The following KCND3 variants were observed in gnomAD, a reference collection of about 807,000 sequenced individuals.
KCND3 encodes A-type voltage-gated potassium channel KCND3.
KCND3 carries 9 observed loss-of-function variants against 51.1 expected under a neutral mutation model. The observed-to-expected ratio is 0.18, with a 90% confidence interval of 0.11 to 0.31. The LOEUF (loss-of-function observed/expected upper bound fraction) is 0.31, where lower values mean the gene tolerates loss of function less well. Ranked by LOEUF, KCND3 falls within the 10% of genes least tolerant of loss-of-function variation. KCND3 has a pLI of 1.00. For missense variants in KCND3, 526 were observed against 903.8 expected (o/e 0.58, Z 5.36); for synonymous variants, 349 against 368.0 (o/e 0.95, Z 0.59).
chr1:111,786,476 C>T (rs1310461766), intron 3 of KCND3, among the ~76,000 whole-genome samples: 3 of 152,202 alleles, frequency 2.0e-5, no homozygotes, highest in Non-Finnish European at 4.4e-5. Flanking sequence ...GCCTGTTGTG[C>T]CATTTGTCCC....
chr1:111,939,165 G>A (rs1470534185), intron 2 of KCND3, among the ~76,000 whole-genome samples: 1 of 152,186 alleles, frequency 6.6e-6, no homozygotes, highest in Non-Finnish European at 1.5e-5. Context: ...CTGGATCTCA[G>A]GCCAAACACG....
At chr1:111,956,325 T>C (rs1018484663) in intron 2 of KCND3, among the ~76,000 whole-genome samples, 1 of 152,112 alleles carries the variant, frequency 6.6e-6, no homozygotes, top group East Asian at 1.9e-4. Flanking sequence ...TCATCAGTGC[T>C]CCCGCCAGTC....
chr1:111,820,842 A>G (rs1387792783), intron 2 of KCND3, among the ~76,000 whole-genome samples: 5 of 152,200 alleles, frequency 3.3e-5, no homozygotes, highest in African/African-American at 1.2e-4. Flanking sequence ...GGTGACGGCC[A>G]TGTGAAGACA....
rs1386006213 is a variant in KCND3 at position 111,772,403 on chromosome 1, C to T, written c.*3674G>A. The stretch of plus-strand genomic sequence containing the variant: ...TGTATTGGTACAGTCAGGTGATTTC[C>T]AAGGGCTGTGTCCAAGTAGTATTGA... On this transcript the variant is annotated 3_prime_UTR_variant, in exon 8 of 8. Transcript: ENST00000302127. The T allele has an allele frequency of 6.6e-6, 1 of 152,156 alleles. No homozygotes were observed. Among genetic ancestry groups the T allele is most frequent in the Admixed American group, 6.5e-5 (1 of 15,282 alleles). The allele number at this position is 152,156 out of a possible 1,614,324, so 9.4% of individuals were successfully genotyped here. A position where few individuals can be genotyped will look rare whatever the true frequency, so the allele number is the denominator to read the frequency against.
At chr1:111,888,296 T>C (rs1271842072) in intron 2 of KCND3, among the ~76,000 whole-genome samples, 2 of 151,722 alleles carry the variant, frequency 1.3e-5, no homozygotes, top group Non-Finnish European at 1.5e-5. Context: ...GAAAGGAAGA[T>C]GGCAAGAGGC....
At chr1:111,797,325 C>G (rs1665098251) in intron 2 of KCND3, among the ~76,000 whole-genome samples, 1 of 152,224 alleles carries the variant, frequency 6.6e-6, no homozygotes, top group Non-Finnish European at 1.5e-5. Context: ...CAGACAAAGT[C>G]AGACATCGGG....
At chr1:111,911,472 A>G (rs1029957974) in intron 2 of KCND3, among the ~76,000 whole-genome samples, 8 of 152,212 alleles carry the variant, frequency 5.3e-5, no homozygotes, top group African/African-American at 1.9e-4. Context: ...TAGTATAACA[A>G]AAGCTGAGTA....
intron 2 of KCND3, among the ~76,000 whole-genome samples, chr1:111,918,005 T>C (rs1671302696): frequency 6.6e-6 from 1 of 152,228 alleles, no homozygotes; most frequent in Non-Finnish European, 1.5e-5. Context: ...TTTGTGAGGT[T>C]GTCCTACCCT....
chr1:111,787,082 C>A lies in KCND3; in HGVS notation c.1131G>T (p.Thr377=), dbSNP rs148428571. Residue 377 remains threonine (T), a synonymous_variant, in exon 3 of 8, where the codon ACG becomes ACT. Coordinates refer to ENST00000302127, the MANE Select transcript of KCND3 (RefSeq NM_001378969.1). Reference sequence around the variant, plus strand: ...TGGAGCCGAAGATCTTCCCTGCAATCGTCTTAGGCACCATGTCTCCGTATC... The same window carrying A: ...TGGAGCCGAAGATCTTCCCTGCAATAGTCTTAGGCACCATGTCTCCGTATC... ...TLGYGDMVPK[T]IAGKIFGSIC... is the part of the protein sequence containing the mutation. The A allele has an allele frequency of 3.8e-5, 62 of 1,614,162 alleles. 1 individual carries two copies. The African/African-American group carries it at 8.0e-4, about 21-fold the overall frequency.
chr1:111,920,380 C>T (rs1294694629), intron 2 of KCND3, among the ~76,000 whole-genome samples: 1 of 152,208 alleles, frequency 6.6e-6, no homozygotes, highest in Non-Finnish European at 1.5e-5. Flanking sequence ...GAAACACAGT[C>T]AACAGATTCT....
At chr1:111,987,652 T>C (rs148541001) in intron 1 of KCND3, among the ~76,000 whole-genome samples, 2 of 152,298 alleles carry the variant, frequency 1.3e-5, no homozygotes, top group Non-Finnish European at 2.9e-5. Flanking sequence ...ATTCACCCCC[T>C]GACAGGAGCC....
intron 2 of KCND3, among the ~76,000 whole-genome samples, chr1:111,827,187 G>C (rs914409916): frequency 3.9e-5 from 6 of 152,240 alleles, no homozygotes; most frequent in Admixed American, 2.6e-4. Context: ...GTACAGCAAA[G>C]CTGGAAGACA....
chr1:111,893,796 C>T (rs1390374336), intron 2 of KCND3, among the ~76,000 whole-genome samples: 1 of 152,138 alleles, frequency 6.6e-6, no homozygotes, highest in Non-Finnish European at 1.5e-5. Flanking sequence ...ACCCAGGCAA[C>T]TGGGTTAATG....
intron 2 of KCND3, among the ~76,000 whole-genome samples, chr1:111,884,095 C>CAA (rs1459805191): frequency 6.6e-6 from 1 of 152,162 alleles, no homozygotes; most frequent in Non-Finnish European, 1.5e-5. Flanking sequence ...GAATAAGACC[C>CAA]TAGTAGCATC....
At chr1:111,850,622 A>G (rs11587564) in intron 2 of KCND3, among the ~76,000 whole-genome samples, 3,137 of 152,328 alleles carry the variant, frequency 0.021, 46 homozygotes, top group Non-Finnish European at 0.033. Flanking sequence ...CTGTGTGTGA[A>G]GATAGCCCGC....
chr1:111,873,486 GAGA>G lies in KCND3; in HGVS notation c.1107-86383_1107-86381del, dbSNP rs569367488. Among the ~76,000 whole-genome samples, 87 of 152,330 alleles carry G rather than the reference GAGA, an allele frequency of 5.7e-4. 1 individual carries two copies. Among genetic ancestry groups the G allele is most frequent in the African/African-American group, 2.0e-3 (84 of 41,568 alleles). ...TTACACCAGTAGCCCTACTTGGGGTGAGAAGGATTGTGGGCAGAAGTCTAGCTT... is the reference window on the plus strand; with the variant it reads ...TTACACCAGTAGCCCTACTTGGGGTGAGGATTGTGGGCAGAAGTCTAGCTT... On this transcript the variant is annotated intron_variant, in intron 2 of 7. Coordinates refer to ENST00000302127, the MANE Select transcript of KCND3 (RefSeq NM_001378969.1).
At chr1:111,791,680 A>G in intron 2 of KCND3, among the ~76,000 whole-genome samples, 1 of 152,320 alleles carries the variant, frequency 6.6e-6, no homozygotes, top group African/African-American at 2.4e-5. Flanking sequence ...TAAGTTCCTC[A>G]CATTTCTAAA....
At chr1:111,899,491 G>A (rs549806506) in intron 2 of KCND3, among the ~76,000 whole-genome samples, 1 of 152,344 alleles carries the variant, frequency 6.6e-6, no homozygotes, top group East Asian at 1.9e-4. Context: ...GTAGGTGATG[G>A]AAGTGATATG....
chr1:111,875,813 T>C (rs1669025731), intron 2 of KCND3, among the ~76,000 whole-genome samples: 1 of 152,250 alleles, frequency 6.6e-6, no homozygotes, highest in East Asian at 1.9e-4. Context: ...CCATTAGACC[T>C]GCACTTAGCA....
Sources: allele counts gnomAD v4.1 joint callset (sites outside exome capture counted in the v4.1 genomes callset), GRCh38; gene constraint gnomAD v4.1.1; transcripts MANE v1.5; gene names NCBI Gene and HGNC (gene_info 2026-07-23, HGNC 2026-07-21).